The following C8A variants were observed in gnomAD, a reference collection of about 807,000 sequenced individuals.
C8A encodes complement C8 alpha chain.
C8A carries 67 observed loss-of-function variants against 65.3 expected under a neutral mutation model. That is an observed-to-expected ratio of 1.03 (90% CI 0.84 to 1.26). The LOEUF (loss-of-function observed/expected upper bound fraction) is 1.26. Among genes scored for constraint, C8A ranks in the 50% most tolerant of loss-of-function variants. The pLI is 0.00. For synonymous variants in C8A, 290 were observed against 259.4 expected (o/e 1.12, Z -1.13); for missense variants, 781 against 723.9 (o/e 1.08, Z -0.90).
At chr1:56,862,345 A>G (rs1366440076) in intron 1 of C8A, among the ~76,000 whole-genome samples, 1 of 151,974 alleles carries the variant, frequency 6.6e-6, no homozygotes, top group East Asian at 1.9e-4. Context: ...TGTGTTACAT[A>G]GTCTTACAGA....
At position 56,856,726 on chromosome 1, in the gene C8A, A is replaced by G. The variant is rs984976328; in HGVS notation, c.77+1748A>G. ...ATCTTAAAAATTTGTTGAGAAAAAC[A>G]TTTTAAAACAATGGTGATGGAAGGA... is the stretch of plus-strand genomic sequence containing the variant. On this transcript the variant is annotated intron_variant, in intron 1 of 10. Coordinates refer to ENST00000361249, the MANE Select transcript of C8A (RefSeq NM_000562.3). Among the ~76,000 whole-genome samples, 3 of 152,116 alleles carry G rather than the reference A, an allele frequency of 2.0e-5. No homozygotes were observed. The East Asian group carries it at 5.8e-4, about 29-fold the overall frequency.
At chr1:56,906,090 T>G (rs1644462139) in intron 7 of C8A, among the ~76,000 whole-genome samples, 1 of 152,130 alleles carries the variant, frequency 6.6e-6, no homozygotes, top group South Asian at 2.1e-4. Flanking sequence ...GACTTTGGCC[T>G]CTCTGGGGCG....
chr1:56,896,673 T>C (rs1207041195), intron 7 of C8A, among the ~76,000 whole-genome samples: 6 of 152,166 alleles, frequency 3.9e-5, no homozygotes, highest in Non-Finnish European at 8.8e-5. Context: ...TACCTAGGCA[T>C]TCCACGGCCC....
intron 10 of C8A, among the ~76,000 whole-genome samples, chr1:56,913,460 C>G (rs149828209): frequency 6.6e-6 from 1 of 152,224 alleles, no homozygotes; most frequent in African/African-American, 2.4e-5. Context: ...AGTTATCAAA[C>G]AAGCATTAAA....
chr1:56,862,677 T>C (rs1011534268), intron 1 of C8A, among the ~76,000 whole-genome samples: 26 of 152,208 alleles, frequency 1.7e-4, no homozygotes, highest in African/African-American at 6.3e-4. Context: ...AGCTTGCTCA[T>C]AGTAGCCCAG....
intron 4 of C8A, among the ~76,000 whole-genome samples, chr1:56,877,915 A>T (rs1361335222): frequency 6.6e-6 from 1 of 152,176 alleles, no homozygotes; most frequent in Non-Finnish European, 1.5e-5. Flanking sequence ...ATATAAAAAG[A>T]TGAGAAAATT....
intron 1 of C8A, among the ~76,000 whole-genome samples, chr1:56,862,938 T>A (rs1218713810): frequency 6.6e-6 from 1 of 152,202 alleles, no homozygotes; most frequent in Non-Finnish European, 1.5e-5. Flanking sequence ...CATCCCACTC[T>A]GGAGGATATA....
rs116550858 is a variant in C8A at position 56,905,822 on chromosome 1, T to C, written c.1097-845T>C. ...ACCGAAAAGGTTGAACTCTGTAGCA[T>C]GGGCAATATTCCTCCAGTCTGTTTA... On this transcript the variant is annotated intron_variant, in intron 7 of 10. Coordinates refer to ENST00000361249, the MANE Select transcript of C8A (RefSeq NM_000562.3). Among the ~76,000 whole-genome samples the C allele has an allele frequency of 4.5e-3, 685 of 152,346 alleles. 9 individuals are homozygous for C. Among genetic ancestry groups the C allele is most frequent in the African/African-American group, 0.016 (652 of 41,590 alleles).
chr1:56,905,908 G>A (rs1428900307), intron 7 of C8A, among the ~76,000 whole-genome samples: 1 of 152,188 alleles, frequency 6.6e-6, no homozygotes, highest in Admixed American at 6.5e-5. Context: ...TATTTACATA[G>A]CAATGTGGCT....
intron 3 of C8A, among the ~76,000 whole-genome samples, chr1:56,875,558 G>A (rs1328551325): frequency 6.6e-6 from 1 of 152,114 alleles, no homozygotes; most frequent in Admixed American, 6.6e-5. Context: ...GGGCAGTCTG[G>A]GTGGGCTTTG....
chr1:56,907,845 C>T (rs527550136), intron 8 of C8A, 111 bp from the exon 9 acceptor site: 14 of 1,277,478 alleles, frequency 1.1e-5, no homozygotes, highest in East Asian at 4.7e-5. Flanking sequence ...GAATGGTAAA[C>T]ATCTAAGGAA....
chr1:56,908,442 T>A (rs569337484), intron 9 of C8A, among the ~76,000 whole-genome samples: 56 of 152,342 alleles, frequency 3.7e-4, no homozygotes, highest in African/African-American at 1.3e-3. Context: ...ATGGGCTAAA[T>A]TAGGGGGTGG....
chr1:56,914,963 C>A (rs1323216367), intron 10 of C8A, among the ~76,000 whole-genome samples: 1 of 151,358 alleles, frequency 6.6e-6, no homozygotes, highest in East Asian at 1.9e-4. Context: ...CAGGCATGAG[C>A]CACCACATTC....
intron 7 of C8A, among the ~76,000 whole-genome samples, chr1:56,890,909 T>C (rs1206037108): frequency 6.6e-6 from 1 of 152,162 alleles, no homozygotes; most frequent in Non-Finnish European, 1.5e-5. Context: ...CTCATAGATT[T>C]ATTTGTTTAT....
chr1:56,900,929 G>C (rs569976265), intron 7 of C8A, among the ~76,000 whole-genome samples: 2 of 152,146 alleles, frequency 1.3e-5, no homozygotes, highest in African/African-American at 2.4e-5. Flanking sequence ...GGATACACTG[G>C]AACATAGACA....
At chr1:56,864,178 T>C (rs2101193531) in intron 1 of C8A, among the ~76,000 whole-genome samples, 1 of 152,314 alleles carries the variant, frequency 6.6e-6, no homozygotes, top group East Asian at 1.9e-4. Context: ...AGGAAATATT[T>C]CCCTAAGGAA....
intron 7 of C8A, among the ~76,000 whole-genome samples, chr1:56,889,327 C>A (rs1644326577): frequency 6.6e-6 from 1 of 152,116 alleles, no homozygotes; most frequent in Admixed American, 6.6e-5. Context: ...ACAAAAATAT[C>A]TACCTTCTTT....
In C8A at chr1:56,870,880, A is replaced by G. The variant is rs192330707; in HGVS notation, c.171+3178A>G. ...ATGTTTCTTCTTCTCAAAATCATCC[A>G]AACAAAGATGTACATTTATGGAAGG... is the stretch of plus-strand genomic sequence containing the variant. On this transcript the variant is annotated intron_variant, in intron 2 of 10. Transcript: ENST00000361249. 3.9e-5 allele frequency among the ~76,000 whole-genome samples: 6 copies of G among 152,286 alleles called. No individual in the cohort carries two copies. The East Asian group carries it at 1.2e-3, about 29-fold the overall frequency.
At chr1:56,910,800 T>C (rs534290351) in intron 9 of C8A, among the ~76,000 whole-genome samples, 69 of 152,280 alleles carry the variant, frequency 4.5e-4, no homozygotes, top group Admixed American at 3.3e-3. Flanking sequence ...ACAAAGCTAT[T>C]GCCAGTGCCC....
Sources: allele counts gnomAD v4.1 joint callset (sites outside exome capture counted in the v4.1 genomes callset), GRCh38; gene constraint gnomAD v4.1.1; transcripts MANE v1.5; gene names NCBI Gene and HGNC (gene_info 2026-07-23, HGNC 2026-07-21).